AUTS2: variants seen among roughly 807,000 people sequenced by gnomAD.
AUTS2 encodes activator of transcription and developmental regulator AUTS2.
AUTS2 carries 17 observed loss-of-function variants against 112.4 expected under a neutral mutation model. The observed-to-expected ratio is 0.15, with a 90% confidence interval of 0.10 to 0.23. The LOEUF (loss-of-function observed/expected upper bound fraction) is 0.23, where lower values mean the gene tolerates loss of function less well. Ranked by LOEUF, AUTS2 falls within the 10% of genes least tolerant of loss-of-function variation. The pLI is 1.00. For missense variants in AUTS2, 1,510 were observed against 1,701.6 expected (o/e 0.89, Z 1.98); for synonymous variants, 751 against 702.7 (o/e 1.07, Z -1.09).
At chr7:70,388,087 G>A (rs1793694078) in intron 4 of AUTS2, among the ~76,000 whole-genome samples, 1 of 152,072 alleles carries the variant, frequency 6.6e-6, no homozygotes, top group African/African-American at 2.4e-5. Context: ...GACCTTTCTT[G>A]TCCTGTATTC....
chr7:70,248,812 A>C (rs1813063769), intron 4 of AUTS2, among the ~76,000 whole-genome samples: 3 of 152,224 alleles, frequency 2.0e-5, no homozygotes, highest in African/African-American at 7.2e-5. Flanking sequence ...TGATGAATAC[A>C]GGGACTTTTG....
At chr7:69,805,847 T>C (rs1325566506) in intron 1 of AUTS2, among the ~76,000 whole-genome samples, 1 of 152,226 alleles carries the variant, frequency 6.6e-6, no homozygotes, top group Admixed American at 6.5e-5. Flanking sequence ...TTCTTTCTCC[T>C]GACTGAATCT....
intron 4 of AUTS2, among the ~76,000 whole-genome samples, chr7:70,185,882 T>A (rs1809577847): frequency 6.6e-6 from 1 of 152,196 alleles, no homozygotes; most frequent in African/African-American, 2.4e-5. Context: ...GGCGTGAGAT[T>A]GAGGGATCTA....
intron 6 of AUTS2, among the ~76,000 whole-genome samples, chr7:70,739,804 TAAAAA>T (rs35729505): frequency 0.18 from 24,610 of 139,518 alleles, 2,509 homozygotes; most frequent in South Asian, 0.24. Flanking sequence ...CTCTAATTGT[TAAAAA>T]AAAAAAAAAA....
intron 5 of AUTS2, among the ~76,000 whole-genome samples, chr7:70,648,327 C>T (rs1019547122): frequency 6.6e-6 from 1 of 152,120 alleles, no homozygotes; most frequent in Non-Finnish European, 1.5e-5. Context: ...CCTTTCACGC[C>T]TCTGGACTTC....
intron 1 of AUTS2, among the ~76,000 whole-genome samples, chr7:69,744,603 T>C (rs1787407135): frequency 6.6e-6 from 1 of 150,814 alleles, no homozygotes; most frequent in Non-Finnish European, 1.5e-5. Context: ...GAGGCTGAGG[T>C]AGGAGTATTG....
chr7:70,725,224 C>A (rs1467810463), intron 6 of AUTS2, among the ~76,000 whole-genome samples: 1 of 152,100 alleles, frequency 6.6e-6, no homozygotes, highest in Non-Finnish European at 1.5e-5. Context: ...TACCCTTTTC[C>A]TCTCGGGTAA....
intron 1 of AUTS2, among the ~76,000 whole-genome samples, chr7:69,875,078 G>C (rs1793673075): frequency 6.6e-6 from 1 of 150,978 alleles, no homozygotes; most frequent in African/African-American, 2.4e-5. Flanking sequence ...TTCCTCTGTG[G>C]ATCCATTGAT....
chr7:69,672,993 A>G (rs1796405334), intron 1 of AUTS2, among the ~76,000 whole-genome samples: 1 of 152,188 alleles, frequency 6.6e-6, no homozygotes, highest in African/African-American at 2.4e-5. Flanking sequence ...TGTTATTTCA[A>G]TTCATAGTTC....
chr7:69,849,314 A>T (rs1792354120), intron 1 of AUTS2, among the ~76,000 whole-genome samples: 1 of 152,188 alleles, frequency 6.6e-6, no homozygotes, highest in African/African-American at 2.4e-5. Flanking sequence ...AAATTTGGAA[A>T]TAATTGCAGA....
intron 1 of AUTS2, among the ~76,000 whole-genome samples, chr7:69,767,131 T>C (rs965863880): frequency 1.3e-5 from 2 of 152,194 alleles, no homozygotes; most frequent in Non-Finnish European, 2.9e-5. Flanking sequence ...ACTCCATTGA[T>C]TATGCTAACA....
chr7:70,644,432 A>G (rs1806036841), intron 5 of AUTS2, among the ~76,000 whole-genome samples: 1 of 152,060 alleles, frequency 6.6e-6, no homozygotes, highest in South Asian at 2.1e-4. Context: ...TCCCGACTCT[A>G]TCACTTCCCT....
At position 70,766,247 on chromosome 7, in the gene AUTS2, C is replaced by G. The variant is rs372335432; in HGVS notation, c.1602C>G (p.Thr534=). The change falls in exon 9 of 19, where the codon ACC becomes ACG. Residue 534 remains threonine, a synonymous_variant. Transcript: ENST00000342771. The surrounding 1 kb of genome is among the most constrained non-coding windows in gnomAD (Gnocchi z 4.8). ...AGCACCAGCACCAGCACCAGCACAC[C>G]CACCAGCACACGCACCAGCACACCT... ...FHQHQHQHQH[T]HQHTHQHTFT... 1.4e-5 allele frequency: 22 copies of G among 1,613,910 alleles called. No individual in the cohort carries two copies. Among genetic ancestry groups the G allele is most frequent in the East Asian group, 2.2e-5 (1 of 44,886 alleles).
chr7:70,591,032 G>A (rs1030159393), intron 5 of AUTS2, among the ~76,000 whole-genome samples: 19 of 152,122 alleles, frequency 1.2e-4, no homozygotes, highest in Non-Finnish European at 1.8e-4. Flanking sequence ...ACCTAGATTG[G>A]CAACATGGGT....
At chr7:70,706,487 A>T (rs1392413232) in intron 6 of AUTS2, among the ~76,000 whole-genome samples, 2 of 152,218 alleles carry the variant, frequency 1.3e-5, no homozygotes, top group African/African-American at 4.8e-5. Context: ...CAAACCCTGC[A>T]TGGGTAATGC....
rs866580974 is a variant in AUTS2, at chr7:70,717,281, A to G, written c.742+18661A>G. ...GGCTAGTCTGGAACTCCTGGCCTCAAGTGATCCTCCTATCCCAGCCTCCGA... is the reference window on the plus strand; with the variant it reads ...GGCTAGTCTGGAACTCCTGGCCTCAGGTGATCCTCCTATCCCAGCCTCCGA... On this transcript the variant is annotated intron_variant, in intron 6 of 18. Coordinates refer to ENST00000342771, the MANE Select transcript of AUTS2 (RefSeq NM_015570.4). Among the ~76,000 whole-genome samples, 9 of 152,156 alleles carry G rather than the reference A, an allele frequency of 5.9e-5. No individual in the cohort carries two copies. In the South Asian group the frequency reaches 1.7e-3, roughly 28 times the overall value.
chr7:70,003,200 T>A (rs1199480934), intron 2 of AUTS2, among the ~76,000 whole-genome samples: 2 of 135,082 alleles, frequency 1.5e-5, no homozygotes, highest in African/African-American at 2.8e-5. Flanking sequence ...TATGAATATA[T>A]TATATATGAA....
chr7:70,310,041 G>A (rs1789663497), intron 4 of AUTS2, among the ~76,000 whole-genome samples: 1 of 152,070 alleles, frequency 6.6e-6, no homozygotes. Context: ...AGTAGAGTGA[G>A]TAGAAGGTTA....
rs145480438 is a variant in AUTS2, at chr7:69,843,234, T to C, written c.310-56052T>C. Among the ~76,000 whole-genome samples, 37 of 152,180 alleles carry C rather than the reference T, an allele frequency of 2.4e-4. No homozygotes were observed. In the East Asian group the frequency reaches 6.8e-3, roughly 28 times the overall value. On this transcript the variant is annotated intron_variant, in intron 1 of 18. Coordinates refer to ENST00000342771, the MANE Select transcript of AUTS2 (RefSeq NM_015570.4). ...CAAGAGGTGGTCAGGAAATATCTCATAGATGAATTAAAGAAGTGTTACATG... is the reference window on the plus strand; with the variant it reads ...CAAGAGGTGGTCAGGAAATATCTCACAGATGAATTAAAGAAGTGTTACATG...
Sources: gnomAD v4.1 joint callset for allele counts (sites outside exome capture counted in the v4.1 genomes callset) on GRCh38, gnomAD v4.1.1 for gene constraint, Gnocchi (gnomAD v3.1) non-coding constraint, MANE v1.5 for transcripts, NCBI Gene and HGNC (gene_info 2026-07-23, HGNC 2026-07-21) for gene names.